TMPRSS2: variants seen among roughly 807,000 people sequenced by gnomAD.
TMPRSS2 encodes the protein transmembrane protease serine 2.
In TMPRSS2, 59 loss-of-function variants were observed where a neutral mutation model predicts 67.4. The ratio of observed to expected loss-of-function variants is 0.88; its 90% confidence interval spans 0.71 to 1.09. TMPRSS2 has a LOEUF of 1.09. Ranked by LOEUF, TMPRSS2 falls within the 50% of genes least tolerant of loss-of-function variation. The pLI is 0.00. For synonymous variants in TMPRSS2, 257 were observed against 257.0 expected (o/e 1.00, Z 0.00); for missense variants, 668 against 642.7 (o/e 1.04, Z -0.43).
intron 1 of TMPRSS2, chr21:41,502,708 A>C: frequency 2.5e-6 from 1 of 401,542 alleles, no homozygotes; most frequent in Non-Finnish European, 3.4e-6. Flanking sequence ...ATGTATAATC[A>C]GGTAAATTGC....
chr21:41,489,528 C>G lies in TMPRSS2; in HGVS notation c.304G>C (p.Ala102Pro). 2 of 1,613,966 alleles carry G rather than the reference C, an allele frequency of 1.2e-6. No individual in the cohort carries two copies. The highest frequency in any genetic ancestry group is 1.7e-6 in the Non-Finnish European group (2 of 1,179,928). ...TTACTGAACTTCCAGAGTAGGCCAG[C>G]GGCCAGCGCAGCTCCCACGAGGAAG... ...GTFLVGAALA[A>P]GLLWKFMGSK... Residue 102 changes from alanine to proline, a missense_variant, in exon 4 of 14, where the codon GCT (alanine) becomes CCT (proline). Coordinates refer to ENST00000332149, the MANE Select transcript of TMPRSS2 (RefSeq NM_005656.4).
chr21:41,485,236 C>A (rs1278509538), intron 5 of TMPRSS2, among the ~76,000 whole-genome samples: 1 of 151,722 alleles, frequency 6.6e-6, no homozygotes, highest in African/African-American at 2.4e-5. Context: ...TAATAGTGTA[C>A]AACTATTAAA....
chr21:41,479,716 C>G (rs978919283), intron 6 of TMPRSS2, among the ~76,000 whole-genome samples: 1 of 152,106 alleles, frequency 6.6e-6, no homozygotes, highest in African/African-American at 2.4e-5. Context: ...ACTTTCTCAC[C>G]GAGTGGTAAT....
rs764135262 is a variant in TMPRSS2 at position 41,468,440 on chromosome 21, T to C, written c.1270A>G (p.Met424Val). The change falls in exon 12 of 14, where the codon ATG becomes GTG. Residue 424 changes from methionine (M) to valine (V), a missense_variant. By Grantham distance (21) the Met-to-Val change is conservative (BLOSUM62 1). Coordinates refer to ENST00000332149, the MANE Select transcript of TMPRSS2 (RefSeq NM_005656.4). ...CCCTGCAGGAAGCCGGCACAGATCA[T>C]GGCTGGTGTGATCAGGTTGTCATAG... ...YVYDNLITPAMICAGFLQGNV... is the reference protein window; with the variant it reads ...YVYDNLITPAVICAGFLQGNV... 26 of 1,614,102 alleles carry C rather than the reference T, an allele frequency of 1.6e-5. No individual in the cohort carries two copies. The highest frequency in any genetic ancestry group is 3.3e-5 in the Admixed American group (2 of 60,014).
intron 13 of TMPRSS2, 139 bp downstream of exon 13, chr21:41,467,595 T>C (rs1380526222): frequency 1.3e-5 from 12 of 928,208 alleles, no homozygotes; most frequent in Admixed American, 2.4e-5. Flanking sequence ...GATGGGGCTG[T>C]GGCTGGAGGA....
In TMPRSS2 at chr21:41,465,927, C is replaced by A. The variant is rs1003169126; in HGVS notation, c.*215G>T. ...AGTGCCCACAACCAGCCGGCCATCA[C>A]CCCTTGCGGACAAGGGGTTAGGGAG... On this transcript the variant is annotated 3_prime_UTR_variant, in exon 14 of 14. Transcript: ENST00000332149. 8.1e-6 allele frequency: 5 copies of A among 615,392 alleles called. No individual in the cohort carries two copies. The highest frequency in any genetic ancestry group is 3.1e-5 in the Admixed American group (1 of 32,056). The allele number at this position is 615,392 out of a possible 1,614,324, so 38.1% of individuals were successfully genotyped here.
At chr21:41,490,929 C>G (rs1056009107) in intron 3 of TMPRSS2, among the ~76,000 whole-genome samples, 2 of 152,198 alleles carry the variant, frequency 1.3e-5, no homozygotes, top group Non-Finnish European at 2.9e-5. Context: ...GAACTCCCCA[C>G]CTGGCCACAC....
At chr21:41,467,508 G>A (rs570126729) in intron 13 of TMPRSS2, among the ~76,000 whole-genome samples, 14 of 152,264 alleles carry the variant, frequency 9.2e-5, no homozygotes, top group East Asian at 7.7e-4. Flanking sequence ...GAGCCCCAGC[G>A]CTTTTCATCC....
At chr21:41,483,862 G>T (rs1020511660) in intron 5 of TMPRSS2, among the ~76,000 whole-genome samples, 1 of 151,350 alleles carries the variant, frequency 6.6e-6, no homozygotes, top group Non-Finnish European at 1.5e-5. Flanking sequence ...TGGTGCTGTG[G>T]TTCATGCCTG....
At position 41,484,644 on chromosome 21, in the gene TMPRSS2, A is replaced by G. The variant is rs181332845; in HGVS notation, c.445+3750T>C. ...TGAATAATCAATATGGAAACTGGAT[A>G]AAACCAAACTGAAGCCGGTCTAGGT... is the stretch of plus-strand genomic sequence containing the variant. On this transcript the variant is annotated intron_variant, in intron 5 of 13. Transcript: ENST00000332149. Among the ~76,000 whole-genome samples the G allele has an allele frequency of 2.4e-3, 363 of 152,338 alleles. 2 individuals are homozygous for G. The highest frequency in any genetic ancestry group is 8.3e-3 in the African/African-American group (346 of 41,582).
At chr21:41,493,087 C>A (rs147138431) in intron 3 of TMPRSS2, among the ~76,000 whole-genome samples, 607 of 152,296 alleles carry the variant, frequency 4.0e-3, no homozygotes, top group African/African-American at 8.0e-3. Flanking sequence ...CACCCCCTCC[C>A]CACTTGTAAC....
chr21:41,466,165 G>GC lies in TMPRSS2; in HGVS notation c.1468-13_1468-12insG. 6.2e-7 allele frequency: 1 copy of GC among 1,605,346 alleles called. No individual in the cohort carries two copies. The highest frequency in any genetic ancestry group is 8.5e-7 in the Non-Finnish European group (1 of 1,177,324). On this transcript the variant is annotated splice_polypyrimidine_tract_variant and intron_variant, in intron 13 of 13. Coordinates refer to ENST00000332149, the MANE Select transcript of TMPRSS2 (RefSeq NM_005656.4). Reference sequence around the variant, plus strand: ...GATTAGCCGTCTGCCTGTTCAAATAGGAAAAAAAAAAGTGTGTTATTTTCT... The same window carrying GC: ...GATTAGCCGTCTGCCTGTTCAAATAGCGAAAAAAAAAAGTGTGTTATTTTCT...
At position 41,472,051 on chromosome 21, in the gene TMPRSS2, G is replaced by A. The variant is rs552550910; in HGVS notation, c.900-70C>T. On this transcript the variant is annotated intron_variant, in intron 9 of 13. Coordinates refer to ENST00000332149, the MANE Select transcript of TMPRSS2 (RefSeq NM_005656.4). The stretch of plus-strand genomic sequence containing the variant: ...AGCTCTCAGTGGATGAACTTCCAAC[G>A]TCAGAAGCTGGAGGCAAGACACCCA... 59 of 1,433,054 alleles carry A rather than the reference G, an allele frequency of 4.1e-5. 1 individual carries two copies. In the East Asian group the frequency reaches 6.3e-4, roughly 15 times the overall value. 88.8% of individuals were successfully genotyped at this position (1,433,054 alleles called of 1,614,324 possible).
chr21:41,503,692 C>T (rs996666075), intron 1 of TMPRSS2, among the ~76,000 whole-genome samples: 1 of 152,130 alleles, frequency 6.6e-6, no homozygotes, highest in African/African-American at 2.4e-5. Flanking sequence ...TAGAATGTAC[C>T]GAATTCCTCA....
intron 1 of TMPRSS2, among the ~76,000 whole-genome samples, chr21:41,504,748 A>G (rs901967515): frequency 6.6e-6 from 1 of 151,994 alleles, no homozygotes; most frequent in Non-Finnish European, 1.5e-5. Context: ...CCAGGCCCAT[A>G]CCCCTGGTGC....
intron 2 of TMPRSS2, among the ~76,000 whole-genome samples, chr21:41,495,510 A>T (rs1260963846): frequency 6.6e-6 from 1 of 151,840 alleles, no homozygotes; most frequent in Non-Finnish European, 1.5e-5. Flanking sequence ...CTATAGTTCC[A>T]GCTGCTTGGG....
In TMPRSS2 at chr21:41,498,209, G is replaced by C. The variant is rs143576576; in HGVS notation, c.-56-20C>G. 11 of 1,510,970 alleles carry C rather than the reference G, an allele frequency of 7.3e-6. No homozygotes were observed. The African/African-American group carries it at 1.5e-4, about 21-fold the overall frequency. 93.6% of individuals were successfully genotyped at this position (1,510,970 alleles called of 1,614,324 possible). A position where few individuals can be genotyped will look rare whatever the true frequency, so the allele number is the denominator to read the frequency against. ...TATGACCTAGAAGAAAGAATTACAG[G>C]ACTGTAATATTTCCATACCAGTTAG... On this transcript the variant is annotated intron_variant, in intron 1 of 13. Transcript: ENST00000332149.
chr21:41,498,899 G>T (rs1404858792), intron 1 of TMPRSS2, among the ~76,000 whole-genome samples: 1 of 152,168 alleles, frequency 6.6e-6, no homozygotes, highest in East Asian at 1.9e-4. Context: ...GGTTGTGGGA[G>T]AGTGGGGAAA....
At position 41,467,827 on chromosome 21, in the gene TMPRSS2, A is replaced by T. The variant is rs1349110148; in HGVS notation, c.1374T>A (p.Asp458Glu). The change falls in exon 13 of 14, where the codon GAT (aspartate) becomes GAA (glutamate). Residue 458 changes from aspartate (D) to glutamate (E), a missense_variant. Transcript: ENST00000332149. ...TGGCACAGCCAGAACCCCAGCTTGT[A>T]TCCCCTATCAGCCACCAGATATTGT... ...SKNNIWWLIG[D>E]TSWGSGCAKA... The T allele has an allele frequency of 6.2e-7, 1 of 1,614,226 alleles. No homozygotes were observed. The highest frequency in any genetic ancestry group is 1.7e-5 in the Admixed American group (1 of 60,026).
Sources: allele counts gnomAD v4.1 joint callset (sites outside exome capture counted in the v4.1 genomes callset), GRCh38; gene constraint gnomAD v4.1.1; transcripts MANE v1.5; gene names NCBI Gene and HGNC (gene_info 2026-07-23, HGNC 2026-07-21).